The following NEDD4 variants were observed in gnomAD, a reference collection of about 807,000 sequenced individuals.
NEDD4 encodes the protein NEDD4 E3 ubiquitin protein ligase.
Under a neutral mutation model 144.9 loss-of-function variants are expected in NEDD4, and 99 were observed. The observed-to-expected ratio is 0.68, with a 90% CI of 0.58 to 0.81. The LOEUF is 0.81. NEDD4 is among the 30% of genes least tolerant of loss of function. The probability of loss-of-function intolerance (pLI) is 0.00; values close to 1 mark genes in which losing one functional copy is unlikely to be tolerated. For synonymous variants in NEDD4, 318 were observed against 350.6 expected, an observed-to-expected ratio of 0.91 and a Z score of 1.04; for missense variants, 985 against 1,065.9, an observed-to-expected ratio of 0.92 and a Z score of 1.06.
At chr15:55,840,364 T>A in intron 21 of NEDD4, 83 bp downstream of exon 21, 1 of 1,184,036 alleles carries the variant, frequency 8.4e-7, no homozygotes, top group South Asian at 1.5e-5. Context: ...TTAATTTCCA[T>A]GTCATTAAAA....
chr15:55,833,702 T>A (rs1313605229), intron 26 of NEDD4, among the ~76,000 whole-genome samples: 1 of 152,104 alleles, frequency 6.6e-6, no homozygotes, highest in Non-Finnish European at 1.5e-5. Context: ...GCATACATAT[T>A]TCTCTATGAG....
chr15:55,837,038 T>A (rs1343797345), intron 24 of NEDD4, among the ~76,000 whole-genome samples: 1 of 152,168 alleles, frequency 6.6e-6, no homozygotes, highest in Non-Finnish European at 1.5e-5. Flanking sequence ...TGGAAAAATT[T>A]AAGTAACTTT....
At chr15:55,941,285 G>A (rs560937300) in intron 4 of NEDD4, among the ~76,000 whole-genome samples, 1 of 152,144 alleles carries the variant, frequency 6.6e-6, no homozygotes, top group African/African-American at 2.4e-5. Flanking sequence ...TAAGGTGGAA[G>A]CTTAGATCAT....
At chr15:55,986,158 A>G (rs916418489) in intron 1 of NEDD4, among the ~76,000 whole-genome samples, 6 of 152,242 alleles carry the variant, frequency 3.9e-5, no homozygotes, top group African/African-American at 1.4e-4. Context: ...GGAAAAGGAA[A>G]GCTCTTCTTA....
Position 55,901,126 on chromosome 15 carries a change from C to T in NEDD4, c.291+23520G>A, listed in dbSNP as rs1304401083. ...ATGGGGTACATGAGATGTTTTGATA[C>T]GCTATGAAATGCATAATAATCACAT... On this transcript the variant is annotated intron_variant, in intron 5 of 28. Coordinates refer to ENST00000435532, the MANE Select transcript of NEDD4 (RefSeq NM_006154.4). Among the ~76,000 whole-genome samples, 8 of 151,902 alleles carry T rather than the reference C, an allele frequency of 5.3e-5. No homozygotes were observed. In the South Asian group the frequency reaches 6.2e-4, roughly 12 times the overall value.
rs372947474 is a variant in NEDD4 at position 55,993,570 on chromosome 15, A to G, written c.-15T>C. Reference sequence around the variant, plus strand: ...CAAGTTGCCATTTCCGAACGCTTCCAGCAAACCGGACGCGCTCGCCCCCGC... The same window carrying G: ...CAAGTTGCCATTTCCGAACGCTTCCGGCAAACCGGACGCGCTCGCCCCCGC... On this transcript the variant is annotated 5_prime_UTR_variant, in exon 1 of 29. Transcript: ENST00000435532. 1.4e-5 allele frequency: 22 copies of G among 1,591,084 alleles called. No homozygotes were observed. Among genetic ancestry groups the G allele is most frequent in the African/African-American group, 2.8e-5 (2 of 72,346 alleles).
At chr15:55,892,749 T>C (rs1170275590) in intron 5 of NEDD4, among the ~76,000 whole-genome samples, 2 of 152,192 alleles carry the variant, frequency 1.3e-5, no homozygotes, top group African/African-American at 2.4e-5. Context: ...TGACATAGTG[T>C]TATGCAGCTT....
At chr15:55,992,778 T>G (rs376862716) in intron 1 of NEDD4, among the ~76,000 whole-genome samples, 9 of 152,240 alleles carry the variant, frequency 5.9e-5, no homozygotes, top group East Asian at 5.8e-4. Flanking sequence ...GAAACAGCTT[T>G]GCCTTCTTCA....
At chr15:55,836,566 C>A (rs2141968448) in intron 24 of NEDD4, among the ~76,000 whole-genome samples, 1 of 152,136 alleles carries the variant, frequency 6.6e-6, no homozygotes, top group South Asian at 2.1e-4. Context: ...CGCTCTGTTG[C>A]CCAGGATGGA....
In NEDD4 at chr15:55,988,487, TAAA is replaced by T. The variant is rs56688563; in HGVS notation, c.45+5021_45+5023del. On this transcript the variant is annotated intron_variant, in intron 1 of 28. Transcript: ENST00000435532. ...CTTAGAGTATAATAAAAAAAAAAAT[TAAA>T]AAAAAAAAAAAAAAAAGAAAAACTG... Among the ~76,000 whole-genome samples, 871 of 101,684 alleles carry T rather than the reference TAAA, an allele frequency of 8.6e-3. 3 individuals carry two copies. Among genetic ancestry groups the T allele is most frequent in the Non-Finnish European group, 0.012 (656 of 54,126 alleles). The allele number at this position is 101,684 out of a possible 152,430, so 66.7% of individuals were successfully genotyped here.
chr15:55,964,838 G>A (rs1034065940), intron 2 of NEDD4, among the ~76,000 whole-genome samples: 2 of 151,820 alleles, frequency 1.3e-5, no homozygotes, highest in African/African-American at 4.8e-5. Flanking sequence ...GAGGTATTAG[G>A]GTCATGGGAG....
chr15:55,850,006 G>C (rs1442152326), intron 14 of NEDD4, among the ~76,000 whole-genome samples: 2 of 151,976 alleles, frequency 1.3e-5, no homozygotes, highest in Non-Finnish European at 2.9e-5. Context: ...TGTTAGCCAG[G>C]ATGGTCTCGA....
intron 5 of NEDD4, among the ~76,000 whole-genome samples, chr15:55,892,407 A>T (rs2035601267): frequency 1.3e-5 from 2 of 151,944 alleles, no homozygotes; most frequent in African/African-American, 2.4e-5. Context: ...CTTCACAGCC[A>T]GAGGCCAACA....
chr15:55,931,972 T>C (rs958306210), intron 4 of NEDD4, among the ~76,000 whole-genome samples: 1 of 152,216 alleles, frequency 6.6e-6, no homozygotes, highest in Non-Finnish European at 1.5e-5. Flanking sequence ...ATTTGCCTAT[T>C]CTGGACATTT....
chr15:55,926,117 T>G (rs1473611436), intron 4 of NEDD4, among the ~76,000 whole-genome samples: 9 of 152,160 alleles, frequency 5.9e-5, no homozygotes, highest in African/African-American at 2.2e-4. Flanking sequence ...TACATACGTA[T>G]ATGTATCAAA....
intron 1 of NEDD4, among the ~76,000 whole-genome samples, chr15:55,974,748 C>T (rs1385380732): frequency 1.3e-5 from 2 of 150,684 alleles, no homozygotes; most frequent in African/African-American, 4.9e-5. Context: ...CCCTCAAAAA[C>T]CTGACTATAG....
At chr15:55,965,564 C>G (rs541570594) in intron 2 of NEDD4, among the ~76,000 whole-genome samples, 28 of 152,292 alleles carry the variant, frequency 1.8e-4, no homozygotes, top group African/African-American at 6.3e-4. Flanking sequence ...ATCCTTACCA[C>G]TGCCATGTTT....
chr15:55,921,224 G>A (rs1208507252), intron 5 of NEDD4, among the ~76,000 whole-genome samples: 2 of 152,118 alleles, frequency 1.3e-5, no homozygotes, highest in African/African-American at 4.8e-5. Context: ...GGTATTTTTA[G>A]AAGGATTGAA....
At chr15:55,978,962 C>A (rs2037750207) in intron 1 of NEDD4, among the ~76,000 whole-genome samples, 1 of 150,654 alleles carries the variant, frequency 6.6e-6, no homozygotes, top group African/African-American at 2.4e-5. Context: ...CACAGGGCTG[C>A]ACGTCTTTCC....
Sources: gnomAD v4.1 joint callset for allele counts (sites outside exome capture counted in the v4.1 genomes callset) on GRCh38, gnomAD v4.1.1 for gene constraint, MANE v1.5 for transcripts, NCBI Gene and HGNC (gene_info 2026-07-23, HGNC 2026-07-21) for gene names.